BLTP1: variants seen among roughly 807,000 people sequenced by gnomAD.
The protein encoded by BLTP1 is fragile site-associated protein.
chr4:122,265,167 C>T, the BLTP1 span, among the ~76,000 whole-genome samples: 1 of 152,094 alleles, frequency 6.6e-6, no homozygotes, highest in African/African-American at 2.4e-5. Context: ...CAACCCCCTA[C>T]CCACCCTCTG....
At chr4:122,315,422 C>T in the BLTP1 span, 3 of 1,611,946 alleles carry the variant, frequency 1.9e-6, no homozygotes, top group African/African-American at 1.3e-5. Context: ...AATTTCTATA[C>T]CCAGGACTTA....
the BLTP1 span, among the ~76,000 whole-genome samples, chr4:122,186,464 CTAA>C: frequency 5.3e-5 from 8 of 151,942 alleles, no homozygotes; most frequent in African/African-American, 1.9e-4. Context: ...GTATTAATAA[CTAA>C]TGTTATCAAT....
At chr4:122,354,162 A>G in the BLTP1 span, 1 of 681,582 alleles carries the variant, frequency 1.5e-6, no homozygotes, top group Admixed American at 2.8e-5. Flanking sequence ...ACAAGTAATA[A>G]TTATTTAATA....
chr4:122,261,416 G>A, the BLTP1 span: 7 of 985,170 alleles, frequency 7.1e-6, no homozygotes, highest in Middle Eastern at 5.2e-4. Context: ...CTTAGTTTCC[G>A]ATCTTTGCTT....
At chr4:122,183,276 C>T in the BLTP1 span, 7 of 557,944 alleles carry the variant, frequency 1.3e-5, no homozygotes, top group African/African-American at 2.1e-5. Context: ...ATTGAGGCTG[C>T]AGTGAGCCAT....
At chr4:122,295,334 A>G in the BLTP1 span, among the ~76,000 whole-genome samples, 1 of 152,158 alleles carries the variant, frequency 6.6e-6, no homozygotes, top group Non-Finnish European at 1.5e-5. Flanking sequence ...GGCTGAAATG[A>G]AAGAAAAAAA....
chr4:122,201,950 C>T, the BLTP1 span: 1 of 707,568 alleles, frequency 1.4e-6, no homozygotes, highest in Non-Finnish European at 1.7e-6. Flanking sequence ...CCTCTCCTGA[C>T]AATACTGCTC....
the BLTP1 span, among the ~76,000 whole-genome samples, chr4:122,185,701 A>T: frequency 1.2e-3 from 189 of 152,260 alleles, 1 homozygote; most frequent in African/African-American, 4.5e-3. Flanking sequence ...ATTTTGGTAT[A>T]AAAATATGGA....
the BLTP1 span, chr4:122,288,774 T>TC: frequency 1.8e-6 from 1 of 560,696 alleles, no homozygotes; most frequent in Non-Finnish European, 2.3e-6. Context: ...TAAATTTTAC[T>TC]CTAGGAGAAA....
At chr4:122,167,146 A>G in the BLTP1 span, among the ~76,000 whole-genome samples, 5 of 152,192 alleles carry the variant, frequency 3.3e-5, no homozygotes, top group African/African-American at 1.2e-4. Context: ...GTTAGTGAAC[A>G]TATGCCTGCA....
chr4:122,172,398 A>C, the BLTP1 span: 4 of 611,936 alleles, frequency 6.5e-6, no homozygotes, highest in Non-Finnish European at 8.2e-6. Context: ...TTTTTTGAGA[A>C]TATGAATTTT....
chr4:122,200,471 T>G, the BLTP1 span: 11 of 657,450 alleles, frequency 1.7e-5, no homozygotes, highest in African/African-American at 2.0e-5. Flanking sequence ...TCCCAGCTAC[T>G]CTGGAGGCTG....
At chr4:122,261,661 G>A in the BLTP1 span, 2 of 985,042 alleles carry the variant, frequency 2.0e-6, no homozygotes, top group African/African-American at 3.5e-5. Flanking sequence ...AGAATTTGAA[G>A]GTAGAAGTTA....
chr4:122,239,763 A>T, the BLTP1 span: 1 of 1,614,150 alleles, frequency 6.2e-7, no homozygotes, highest in Non-Finnish European at 8.5e-7. Context: ...GCAGAGGAGA[A>T]GTTTTGGTTC....
At chr4:122,358,373 A>G in the BLTP1 span, among the ~76,000 whole-genome samples, 1 of 152,236 alleles carries the variant, frequency 6.6e-6, no homozygotes, top group African/African-American at 2.4e-5. Context: ...TTTAATATAA[A>G]CTGTTATAAA....
the BLTP1 span, among the ~76,000 whole-genome samples, chr4:122,312,436 C>A: frequency 6.6e-6 from 1 of 152,108 alleles, no homozygotes; most frequent in East Asian, 1.9e-4. Context: ...TTTCACTTGG[C>A]CTCAGTTATG....
chr4:122,331,257 T>G, the BLTP1 span: 1 of 1,502,704 alleles, frequency 6.7e-7, no homozygotes, highest in Non-Finnish European at 8.9e-7. Flanking sequence ...ACATAACATG[T>G]TGGAAAATAG....
chr4:122,346,934 A>G, the BLTP1 span: 8 of 870,834 alleles, frequency 9.2e-6, no homozygotes, highest in Non-Finnish European at 1.1e-5. Context: ...AGCACTGAGG[A>G]TATATCAGAG....
chr4:122,239,257 G>T, the BLTP1 span, among the ~76,000 whole-genome samples: 1 of 152,206 alleles, frequency 6.6e-6, no homozygotes, highest in Non-Finnish European at 1.5e-5. Flanking sequence ...ATGGATTATG[G>T]ATAGAAGATT....
Sources: allele counts gnomAD v4.1 joint callset (sites outside exome capture counted in the v4.1 genomes callset), GRCh38; gene constraint gnomAD v4.1.1; transcripts MANE v1.5; gene names NCBI Gene and HGNC (gene_info 2026-07-23, HGNC 2026-07-21).